The following CMIP variants were observed in gnomAD, a reference collection of about 807,000 sequenced individuals.
CMIP encodes the protein C-Maf-inducing protein.
Under a neutral mutation model 97.3 loss-of-function variants are expected in CMIP, and 13 were observed. That is an observed-to-expected ratio of 0.13 (90% CI 0.09 to 0.21). The LOEUF (loss-of-function observed/expected upper bound fraction) is 0.21, where lower values mean the gene tolerates loss of function less well. Ranked by LOEUF, CMIP falls within the 10% of genes least tolerant of loss-of-function variation. CMIP has a pLI of 1.00. For synonymous variants in CMIP, 538 were observed against 436.3 expected (o/e 1.23, Z -2.91); for missense variants, 847 against 1,024.9 (o/e 0.83, Z 2.37).
Position 81,660,978 on chromosome 16 carries a change from C to T in CMIP, c.744+32C>T, listed in dbSNP as rs367980136. The T allele has an allele frequency of 3.1e-5, 50 of 1,613,306 alleles. No homozygotes were observed. The African/African-American group carries it at 6.4e-4, about 21-fold the overall frequency. ...GATTGCTGAGCTGGGGCTGTGGCTG[C>T]AGGAAGTAACCTCCCTCTGTGCGCA... On this transcript the variant is annotated intron_variant, in intron 6 of 20. Coordinates refer to ENST00000537098, the MANE Select transcript of CMIP (RefSeq NM_198390.3).
intron 1 of CMIP, among the ~76,000 whole-genome samples, chr16:81,524,336 G>A (rs2090086719): frequency 6.6e-6 from 1 of 152,212 alleles, no homozygotes; most frequent in Non-Finnish European, 1.5e-5. Context: ...GCTTAGAGGG[G>A]CAGAGACTGT....
chr16:81,461,393 G>A (rs2150738328), intron 1 of CMIP, among the ~76,000 whole-genome samples: 1 of 152,262 alleles, frequency 6.6e-6, no homozygotes, highest in Middle Eastern at 3.4e-3. Context: ...TTCTGGGATG[G>A]CAAATAAGTG....
rs550407836 is a variant in CMIP at position 81,673,573 on chromosome 16, C to G, written c.1034+1503C>G. ...GCAAGCAGGTGACCACTTCAGGCAGCTGGCATGCACTCCCACTGTGCCCCA... is the reference window on the plus strand; with the variant it reads ...GCAAGCAGGTGACCACTTCAGGCAGGTGGCATGCACTCCCACTGTGCCCCA... On this transcript the variant is annotated intron_variant, in intron 9 of 20. Transcript: ENST00000537098. Among the ~76,000 whole-genome samples, 4 of 152,264 alleles carry G rather than the reference C, an allele frequency of 2.6e-5. No homozygotes were observed. The East Asian group carries it at 7.7e-4, about 29-fold the overall frequency.
At position 81,645,422 on chromosome 16, in the gene CMIP, G is replaced by C; in HGVS notation, c.478-6781G>C. Reference sequence around the variant, plus strand: ...AGCAGCAGAGCAGCAGCCCCTGCCTGGCGCGACGTGCTTCCAGTGCATTCT... The same window carrying C: ...AGCAGCAGAGCAGCAGCCCCTGCCTCGCGCGACGTGCTTCCAGTGCATTCT... On this transcript the variant is annotated intron_variant, in intron 3 of 20. Transcript: ENST00000537098. The C allele has an allele frequency of 2.7e-6, 4 of 1,488,652 alleles. No individual in the cohort carries two copies. In the South Asian group the frequency reaches 5.3e-5, roughly 20 times the overall value. 92.2% of individuals were successfully genotyped at this position (1,488,652 alleles called of 1,614,324 possible).
intron 11 of CMIP, among the ~76,000 whole-genome samples, chr16:81,692,256 G>A (rs533949270): frequency 6.6e-6 from 1 of 152,356 alleles, no homozygotes; most frequent in South Asian, 2.1e-4. Flanking sequence ...ATTGCTCGCT[G>A]TGCCGTACTG....
intron 2 of CMIP, among the ~76,000 whole-genome samples, chr16:81,613,080 T>C (rs2091858202): frequency 1.3e-5 from 2 of 152,344 alleles, no homozygotes; most frequent in African/African-American, 2.4e-5. Context: ...TAGCAGCGTA[T>C]GTCCTCCTTC....
rs370121347 is a variant in CMIP, at chr16:81,678,643, C to CT, written c.1388+15_1388+16insT. On this transcript the variant is annotated intron_variant, in intron 10 of 20. Coordinates refer to ENST00000537098, the MANE Select transcript of CMIP (RefSeq NM_198390.3). ...CTCAAGCTGCTGTGAGTGCCCCCCC[C>CT]GCGTGCCCGCCCCCGGGGCCGGTGG... 10 of 1,327,320 alleles carry CT rather than the reference C, an allele frequency of 7.5e-6. No homozygotes were observed. In the South Asian group the frequency reaches 1.1e-4, roughly 15 times the overall value. The allele number at this position is 1,327,320 out of a possible 1,614,324, so 82.2% of individuals were successfully genotyped here.
intron 1 of CMIP, among the ~76,000 whole-genome samples, chr16:81,546,576 A>G (rs1264939013): frequency 6.6e-6 from 1 of 152,236 alleles, no homozygotes; most frequent in Non-Finnish European, 1.5e-5. Context: ...AAGAAAGCAC[A>G]GGTTACAGCA....
At chr16:81,450,740 G>C (rs1378399600) in intron 1 of CMIP, among the ~76,000 whole-genome samples, 1 of 152,208 alleles carries the variant, frequency 6.6e-6, no homozygotes, top group African/African-American at 2.4e-5. Context: ...TCCTTGCGGG[G>C]CGTAGTCTAG....
rs577204856 is a variant in CMIP, at chr16:81,548,713, G to A, written c.301-58854G>A. ...AGAAAAAAAAAAGCCAGGCATGGTG[G>A]TGTGTGCCTGTAGTCTTAGCTACGT... On this transcript the variant is annotated intron_variant, in intron 1 of 20. Coordinates refer to ENST00000537098, the MANE Select transcript of CMIP (RefSeq NM_198390.3). Among the ~76,000 whole-genome samples the A allele has an allele frequency of 5.3e-5, 8 of 152,184 alleles. No individual in the cohort carries two copies. The East Asian group carries it at 1.5e-3, about 29-fold the overall frequency.
At chr16:81,602,413 C>T (rs1452367356) in intron 1 of CMIP, among the ~76,000 whole-genome samples, 2 of 152,246 alleles carry the variant, frequency 1.3e-5, no homozygotes, top group African/African-American at 4.8e-5. Flanking sequence ...ATTACCTTGT[C>T]TTCACGCATT....
chr16:81,699,901 G>T, intron 15 of CMIP, 100 bp downstream of exon 15: 1 of 756,054 alleles, frequency 1.3e-6, no homozygotes. Context: ...CTGCAGGCAC[G>T]GGGGGCAGTG....
intron 1 of CMIP, among the ~76,000 whole-genome samples, chr16:81,486,991 G>A (rs1458402878): frequency 6.6e-6 from 1 of 152,254 alleles, no homozygotes; most frequent in Non-Finnish European, 1.5e-5. Flanking sequence ...CGCCGTGAGG[G>A]AAGCTTCTGG....
At chr16:81,651,628 G>C (rs1355977984) in intron 3 of CMIP, among the ~76,000 whole-genome samples, 2 of 152,226 alleles carry the variant, frequency 1.3e-5, no homozygotes, top group Non-Finnish European at 1.5e-5. Flanking sequence ...CTTCAACTCA[G>C]AGAAAGCCCC....
chr16:81,691,541 C>G (rs1283711497), intron 10 of CMIP: 1 of 581,398 alleles, frequency 1.7e-6, no homozygotes, highest in Non-Finnish European at 3.1e-6. Context: ...GAATAGACAG[C>G]TCACCCCCTC....
Position 81,707,007 on chromosome 16 carries a change from T to C in CMIP, c.2198-7T>C, listed in dbSNP as rs1490028677. The C allele has an allele frequency of 6.2e-7, 1 of 1,613,132 alleles. No homozygotes were observed. The highest frequency in any genetic ancestry group is 8.5e-7 in the Non-Finnish European group (1 of 1,179,398). ...TCTCCTAACAACTGTATCTGTCTCTTGTGCAGCCATGAAGAGTCTCTGCAG... is the reference window on the plus strand; with the variant it reads ...TCTCCTAACAACTGTATCTGTCTCTCGTGCAGCCATGAAGAGTCTCTGCAG... On this transcript the variant is annotated splice_polypyrimidine_tract_variant and splice_region_variant and intron_variant, in intron 19 of 20. Transcript: ENST00000537098.
chr16:81,554,238 A>G (rs1262015668), intron 1 of CMIP, among the ~76,000 whole-genome samples: 1 of 152,214 alleles, frequency 6.6e-6, no homozygotes, highest in Non-Finnish European at 1.5e-5. Context: ...GAATTAACAA[A>G]TGCCAGATGT....
intron 1 of CMIP, among the ~76,000 whole-genome samples, chr16:81,567,144 C>T (rs1444374424): frequency 6.6e-6 from 1 of 152,266 alleles, no homozygotes; most frequent in Non-Finnish European, 1.5e-5. Flanking sequence ...TCTGTGGATG[C>T]TCACTGGGTC....
chr16:81,683,360 C>T (rs1352235962), intron 10 of CMIP, among the ~76,000 whole-genome samples: 1 of 152,170 alleles, frequency 6.6e-6, no homozygotes, highest in Non-Finnish European at 1.5e-5. Context: ...GAAGAGGCCC[C>T]TCCCTCGGGG....
Sources: gnomAD v4.1 joint callset for allele counts (sites outside exome capture counted in the v4.1 genomes callset) on GRCh38, gnomAD v4.1.1 for gene constraint, MANE v1.5 for transcripts, NCBI Gene and HGNC (gene_info 2026-07-23, HGNC 2026-07-21) for gene names.